Variants in FGF14 observed in about 807,000 individuals in gnomAD.
FGF14 encodes fibroblast growth factor homologous factor 4.
In FGF14, 5 loss-of-function variants were observed where a neutral mutation model predicts 25.5. That is an observed-to-expected ratio of 0.20 (90% confidence interval 0.10 to 0.41). The LOEUF (loss-of-function observed/expected upper bound fraction) is 0.41, where lower values mean the gene tolerates loss of function less well. FGF14 is among the 10% of genes least tolerant of loss of function. The pLI is 1.00. For missense variants in FGF14, 222 were observed against 320.1 expected, an observed-to-expected ratio of 0.69 and a Z score of 2.34; for synonymous variants, 138 against 118.3, an observed-to-expected ratio of 1.17 and a Z score of -1.08.
rs572660661 is a variant in FGF14 at position 101,916,346 on chromosome 13, C to G, written c.193+107G>C. 1.1e-5 allele frequency: 15 copies of G among 1,372,546 alleles called. No individual in the cohort carries two copies. The East Asian group carries it at 3.6e-4, about 33-fold the overall frequency. The allele number at this position is 1,372,546 out of a possible 1,614,324, so 85.0% of individuals were successfully genotyped here. A position where few individuals can be genotyped will look rare whatever the true frequency, so the allele number is the denominator to read the frequency against. Reference sequence around the variant, plus strand: ...AGAGTGCTCAGAAGGGAGGCCGGGGCCGGGGTGGGCCGGGAAAACCGAGGG... The same window carrying G: ...AGAGTGCTCAGAAGGGAGGCCGGGGGCGGGGTGGGCCGGGAAAACCGAGGG... On this transcript the variant is annotated intron_variant, in intron 1 of 4. Transcript: ENST00000376143.
At chr13:102,179,938 T>C (rs548183) in intron 1 of FGF14, among the ~76,000 whole-genome samples, 128,996 of 152,108 alleles carry the variant, frequency 0.85, 55,252 homozygotes, top group African/African-American at 0.96. Flanking sequence ...GCCAGAGAAA[T>C]TCAATCATAC....
intron 3 of FGF14, among the ~76,000 whole-genome samples, chr13:101,797,724 G>A (rs918127353): frequency 9.0e-6 from 1 of 111,508 alleles, no homozygotes; most frequent in East Asian, 3.3e-4. Flanking sequence ...TAAAGAGAAT[G>A]TCATGAATTG....
At chr13:101,905,685 G>A (rs1051793800) in intron 1 of FGF14, among the ~76,000 whole-genome samples, 3 of 151,936 alleles carry the variant, frequency 2.0e-5, no homozygotes, top group Non-Finnish European at 4.4e-5. Flanking sequence ...CATGTACCCC[G>A]GAACTTAAAG....
At chr13:101,851,808 C>T (rs2043865025) in intron 3 of FGF14, among the ~76,000 whole-genome samples, 1 of 152,022 alleles carries the variant, frequency 6.6e-6, no homozygotes, top group African/African-American at 2.4e-5. Context: ...CAAAGAAAAC[C>T]AAGGCATTTG....
intron 1 of FGF14, among the ~76,000 whole-genome samples, chr13:102,300,702 C>T (rs2054991129): frequency 6.6e-6 from 1 of 152,012 alleles, no homozygotes; most frequent in Admixed American, 6.6e-5. Flanking sequence ...TACCCAGTAC[C>T]ATATCTGGCA....
At chr13:101,727,445 C>T (rs1004425881) in intron 3 of FGF14, among the ~76,000 whole-genome samples, 7 of 152,052 alleles carry the variant, frequency 4.6e-5, no homozygotes, top group African/African-American at 1.7e-4. Context: ...GTTTGAGTCC[C>T]GTTGGAACTC....
intron 1 of FGF14, among the ~76,000 whole-genome samples, chr13:102,386,577 C>T (rs2058309033): frequency 6.6e-6 from 1 of 152,184 alleles, no homozygotes; most frequent in Admixed American, 6.5e-5. Flanking sequence ...GATACGCTGA[C>T]ATAATGCCTC....
chr13:101,944,358 T>C (rs561894625), intron 1 of FGF14, among the ~76,000 whole-genome samples: 1 of 152,110 alleles, frequency 6.6e-6, no homozygotes, highest in African/African-American at 2.4e-5. Flanking sequence ...TACATATTAT[T>C]TTTTTCTTTT....
At chr13:102,279,766 A>C (rs2141206871) in intron 1 of FGF14, among the ~76,000 whole-genome samples, 1 of 152,336 alleles carries the variant, frequency 6.6e-6, no homozygotes, top group African/African-American at 2.4e-5. Flanking sequence ...TAAAAGTCTA[A>C]GCTTTATAAA....
intron 1 of FGF14, among the ~76,000 whole-genome samples, chr13:102,301,867 C>G (rs2055079594): frequency 6.8e-6 from 1 of 147,980 alleles, no homozygotes; most frequent in African/African-American, 2.5e-5. Flanking sequence ...CACACACACA[C>G]TTTACTCTCA....
chr13:102,257,693 T>C (rs1322870995), intron 1 of FGF14, among the ~76,000 whole-genome samples: 1 of 152,112 alleles, frequency 6.6e-6, no homozygotes, highest in African/African-American at 2.4e-5. Flanking sequence ...CCAATGTATA[T>C]TTTTTCCATC....
intron 1 of FGF14, among the ~76,000 whole-genome samples, chr13:102,346,203 T>C (rs2057100537): frequency 6.6e-6 from 1 of 152,132 alleles, no homozygotes; most frequent in African/African-American, 2.4e-5. Context: ...AAAAATTGAA[T>C]GGTAGGATAA....
At chr13:102,231,135 TCA>T (rs1264375126) in intron 1 of FGF14, among the ~76,000 whole-genome samples, 1 of 152,204 alleles carries the variant, frequency 6.6e-6, no homozygotes, top group Non-Finnish European at 1.5e-5. Context: ...AATATTTGTC[TCA>T]GTTTCTCTGT....
At chr13:101,814,722 G>T (rs2041749900) in intron 3 of FGF14, among the ~76,000 whole-genome samples, 1 of 152,130 alleles carries the variant, frequency 6.6e-6, no homozygotes, top group Non-Finnish European at 1.5e-5. Flanking sequence ...ATGTTTTTGA[G>T]GTAAACCTAC....
intron 3 of FGF14, among the ~76,000 whole-genome samples, chr13:101,770,862 TG>T (rs1156955070): frequency 6.6e-6 from 1 of 151,998 alleles, no homozygotes; most frequent in African/African-American, 2.4e-5. Context: ...AATCAAAGAA[TG>T]ACATAGAACT....
At chr13:101,866,285 G>C (rs2044702187) in intron 3 of FGF14, among the ~76,000 whole-genome samples, 1 of 151,954 alleles carries the variant, frequency 6.6e-6, no homozygotes. Context: ...ATAACTTCTT[G>C]TTAGAAAAGG....
chr13:102,327,919 T>A (rs1200753207), intron 1 of FGF14, among the ~76,000 whole-genome samples: 34 of 120,044 alleles, frequency 2.8e-4, no homozygotes, highest in East Asian at 1.3e-3. Context: ...TAAAAATAAA[T>A]AAAAAATAAA....
intron 1 of FGF14, among the ~76,000 whole-genome samples, chr13:102,339,528 A>C (rs1303989388): frequency 6.6e-6 from 1 of 152,198 alleles, no homozygotes; most frequent in East Asian, 1.9e-4. Context: ...TAAAAATTCC[A>C]AGGGGTGAGG....
chr13:102,332,934 C>A (rs1001711969), intron 1 of FGF14, among the ~76,000 whole-genome samples: 4 of 152,096 alleles, frequency 2.6e-5, no homozygotes, highest in Admixed American at 2.6e-4. Context: ...TTTTTTATTC[C>A]TTGATGTGAC....
Sources: gnomAD v4.1 joint callset for allele counts (sites outside exome capture counted in the v4.1 genomes callset) on GRCh38, gnomAD v4.1.1 for gene constraint, MANE v1.5 for transcripts, NCBI Gene and HGNC (gene_info 2026-07-23, HGNC 2026-07-21) for gene names.